TMEM230: variants seen among roughly 807,000 people sequenced by gnomAD.
TMEM230 encodes the protein transmembrane protein 230, also known as UPF0414 transmembrane protein C20orf30.
TMEM230 carries 10 observed loss-of-function variants against 15.8 expected under a neutral mutation model. The observed-to-expected ratio is 0.63, with a 90% CI of 0.39 to 1.07. The LOEUF (loss-of-function observed/expected upper bound fraction) is 1.07. Ranked by LOEUF, TMEM230 falls within the 50% of genes least tolerant of loss-of-function variation. The pLI is 0.01. For synonymous variants in TMEM230, 67 were observed against 76.9 expected (o/e 0.87, Z 0.68); for missense variants, 165 against 193.3 (o/e 0.85, Z 0.87).
intron 3 of TMEM230, among the ~76,000 whole-genome samples, chr20:5,086,532 C>G (rs2089340872): frequency 9.8e-6 from 1 of 102,498 alleles, no homozygotes; most frequent in African/African-American, 3.9e-5. Context: ...GAGCCAGACT[C>G]TGTCTCAAAA....
At chr20:5,081,873 C>CTT (rs10547417) in intron 3 of TMEM230, among the ~76,000 whole-genome samples, 6 of 43,832 alleles carry the variant, frequency 1.4e-4, no homozygotes, top group Admixed American at 3.1e-4. Context: ...TCTTTTTTTT[C>CTT]TTTTTTTTTT....
intron 3 of TMEM230, among the ~76,000 whole-genome samples, chr20:5,075,789 C>T (rs1388362161): frequency 6.6e-6 from 1 of 151,934 alleles, no homozygotes; most frequent in Non-Finnish European, 1.5e-5. Flanking sequence ...AACCTCATGA[C>T]ATCCTATGAA....
intron 2 of TMEM230, among the ~76,000 whole-genome samples, chr20:5,110,684 C>G (rs1395554684): frequency 1.3e-5 from 2 of 152,146 alleles, no homozygotes; most frequent in African/African-American, 4.8e-5. Context: ...TTCCTAATTA[C>G]TTCTGTACCA....
chr20:5,074,288 T>C (rs1440238123), intron 3 of TMEM230, among the ~76,000 whole-genome samples: 1 of 152,060 alleles, frequency 6.6e-6, no homozygotes, highest in African/African-American at 2.4e-5. Flanking sequence ...TGTCTTTCTC[T>C]CCCTACCAGG....
intron 1 of TMEM230, among the ~76,000 whole-genome samples, chr20:5,112,140 G>A (rs773287174): frequency 3.2e-4 from 49 of 152,248 alleles, no homozygotes; most frequent in Middle Eastern, 6.8e-3. Flanking sequence ...CAGCGCGCCC[G>A]GCCTAACTGT....
chr20:5,071,630 A>C (rs999338959), intron 3 of TMEM230, among the ~76,000 whole-genome samples: 51 of 12,866 alleles, frequency 4.0e-3, no homozygotes, highest in Admixed American at 5.8e-3. Flanking sequence ...TCTCAAAAAA[A>C]AAAAAAAACA....
chr20:5,060,332 C>CTTT, the TMEM230 span, among the ~76,000 whole-genome samples: 78 of 102,934 alleles, frequency 7.6e-4, no homozygotes, highest in Non-Finnish European at 1.1e-3. Context: ...AGTGTATTGT[C>CTTT]TTTTTTTTTT....
downstream of TMEM230, among the ~76,000 whole-genome samples, chr20:5,096,786 GAAC>G: frequency 6.6e-6 from 1 of 152,310 alleles, no homozygotes; most frequent in Non-Finnish European, 1.5e-5. Flanking sequence ...TACCTCAAAG[GAAC>G]ATGGTGTCCT....
chr20:5,069,254 AC>A lies in TMEM230; in HGVS notation c.317del (p.Ser106IlefsTer31). 6.5e-7 allele frequency: 1 copy of A among 1,534,996 alleles called. No homozygotes were observed. Among genetic ancestry groups the A allele is most frequent in the Non-Finnish European group, 8.7e-7 (1 of 1,146,644 alleles). ...GCCTTGAGCTGAGTCCTCCTTCGGG[AC>A]TCCTCCCACTGATGCCTCCCATCAT... On this transcript the variant is annotated frameshift_variant, in exon 4 of 4. Transcript: ENST00000612323. LOFTEE classifies it high-confidence loss of function.
At chr20:5,083,792 T>C (rs1458398286) in intron 3 of TMEM230, among the ~76,000 whole-genome samples, 5 of 152,224 alleles carry the variant, frequency 3.3e-5, no homozygotes, top group Non-Finnish European at 7.3e-5. Flanking sequence ...CTTCAATGTT[T>C]AGTAGAAAAT....
downstream of TMEM230, among the ~76,000 whole-genome samples, chr20:5,065,265 G>T (rs2088641249): frequency 6.6e-6 from 1 of 151,688 alleles, no homozygotes; most frequent in African/African-American, 2.4e-5. Flanking sequence ...AAAAAAAAAA[G>T]ATTAACTTCC....
At chr20:5,102,615 G>A (rs553384283) in intron 4 of TMEM230, among the ~76,000 whole-genome samples, 35 of 151,150 alleles carry the variant, frequency 2.3e-4, no homozygotes, top group African/African-American at 7.3e-4. Context: ...CACATAAGCC[G>A]GGGAGGCAAA....
the TMEM230 span, among the ~76,000 whole-genome samples, chr20:5,063,127 T>C: frequency 6.6e-6 from 1 of 151,834 alleles, no homozygotes; most frequent in Non-Finnish European, 1.5e-5. Flanking sequence ...GTTTTTCCTA[T>C]CCTGTCTCAA....
chr20:5,093,186 T>A (rs1056782577), intron 3 of TMEM230, among the ~76,000 whole-genome samples: 14 of 152,210 alleles, frequency 9.2e-5, no homozygotes, highest in African/African-American at 3.1e-4. Flanking sequence ...TTTCTATACA[T>A]TAACGAAGAA....
Position 5,111,607 on chromosome 20 carries a change from TAAAAAAAAAAAAAAAAAAAAAAAAAA to T in TMEM230, c.69-28_69-3del, listed in dbSNP as rs758119588. ...CTGGGCGACAGAACTAGACTCCATC[TAAAAAAAAAAAAAAAAAAAAAAAAAA>T]AAAAAAAAAAAAAATTCAGTATTTC... is the stretch of plus-strand genomic sequence containing the variant. On this transcript the variant is annotated splice_region_variant and splice_polypyrimidine_tract_variant and intron_variant, in intron 1 of 4. Coordinates refer to ENST00000342308, the MANE Select transcript of TMEM230 (RefSeq NM_001009923.2). 2.6e-3 allele frequency: 154 copies of T among 58,906 alleles called. 8 individuals are homozygous for T. The highest frequency in any genetic ancestry group is 4.3e-3 in the South Asian group (4 of 934). 3.6% of individuals were successfully genotyped at this position (58,906 alleles called of 1,614,324 possible). A position where few individuals can be genotyped will look rare whatever the true frequency, so the allele number is the denominator to read the frequency against.
At chr20:5,091,401 G>A (rs2089503130) in intron 3 of TMEM230, among the ~76,000 whole-genome samples, 1 of 152,002 alleles carries the variant, frequency 6.6e-6, no homozygotes, top group South Asian at 2.1e-4. Flanking sequence ...AGTAGAGATG[G>A]GGTTTCACCA....
At position 5,106,304 on chromosome 20, in the gene TMEM230, T is replaced by C; in HGVS notation, c.295A>G (p.Lys99Glu). ...TTATAAGGGATCTTAGGAGGGGTTT[T>C]CTTAAACTGGAAGAGAAATAGAGAT... The change falls in exon 4 of 5, where the codon AAA (lysine) becomes GAA (glutamate). Residue 99 changes from lysine to glutamate, a missense_variant. By Grantham distance (56) the Lys-to-Glu change is moderately conservative. Coordinates refer to ENST00000342308, the MANE Select transcript of TMEM230 (RefSeq NM_001009923.2). 6.2e-7 allele frequency: 1 copy of C among 1,602,280 alleles called. No homozygotes were observed. The highest frequency in any genetic ancestry group is 8.5e-7 in the Non-Finnish European group (1 of 1,176,688).
intron 3 of TMEM230, among the ~76,000 whole-genome samples, chr20:5,073,084 A>G (rs1487531687): frequency 2.0e-5 from 3 of 152,122 alleles, no homozygotes; most frequent in Non-Finnish European, 4.4e-5. Flanking sequence ...GTGGCATTTC[A>G]TGTGAGGTTC....
intron 3 of TMEM230, among the ~76,000 whole-genome samples, chr20:5,089,373 C>T (rs62200435): frequency 1.1e-5 from 1 of 94,398 alleles, no homozygotes; most frequent in Non-Finnish European, 2.1e-5. Flanking sequence ...AGAATCTGTT[C>T]CAAAAAAAAA....
Sources: allele counts gnomAD v4.1 joint callset (sites outside exome capture counted in the v4.1 genomes callset), GRCh38; gene constraint gnomAD v4.1.1; transcripts MANE v1.5; gene names NCBI Gene and HGNC (gene_info 2026-07-23, HGNC 2026-07-21).